The following SLC4A4 variants were observed in gnomAD, a reference collection of about 807,000 sequenced individuals.
SLC4A4 encodes solute carrier family 4 member 4.
A neutral mutation model predicts 111.5 loss-of-function variants in SLC4A4; 27 were observed. The ratio of observed to expected loss-of-function variants is 0.24; its 90% confidence interval spans 0.18 to 0.33. The LOEUF (loss-of-function observed/expected upper bound fraction) is 0.33. Among genes scored for constraint, SLC4A4 ranks in the 10% least tolerant of loss-of-function variants. The pLI is 1.00. For missense variants in SLC4A4, 909 were observed against 1,315.5 expected (o/e 0.69, Z 4.78); for synonymous variants, 443 against 463.4 (o/e 0.96, Z 0.57).
upstream of SLC4A4, among the ~76,000 whole-genome samples, chr4:71,183,747 T>C (rs1386328958): frequency 6.6e-6 from 1 of 152,186 alleles, no homozygotes; most frequent in Non-Finnish European, 1.5e-5. Context: ...CAAACAAATA[T>C]CAGCACAAAG....
chr4:71,064,843 C>T (rs376917686), intron 1 of SLC4A4, among the ~76,000 whole-genome samples: 126 of 152,264 alleles, frequency 8.3e-4, no homozygotes, highest in African/African-American at 2.7e-3. Flanking sequence ...TAATCGTAGA[C>T]GAGTTATTTA....
At chr4:71,372,872 A>G (rs548065503) in intron 6 of SLC4A4, among the ~76,000 whole-genome samples, 66 of 151,756 alleles carry the variant, frequency 4.3e-4, no homozygotes, top group Admixed American at 1.2e-3. Flanking sequence ...TAATGAAACC[A>G]CAGTGGTATA....
At chr4:71,552,418 G>T (rs77726616) in intron 20 of SLC4A4, among the ~76,000 whole-genome samples, 562 of 151,692 alleles carry the variant, frequency 3.7e-3, no homozygotes, top group East Asian at 0.019. Flanking sequence ...CTGCTAGAAG[G>T]TCTCACTGCT....
At chr4:71,097,034 G>GTTTC (rs1258733788) in intron 2 of SLC4A4, among the ~76,000 whole-genome samples, 1 of 152,036 alleles carries the variant, frequency 6.6e-6, no homozygotes, top group Non-Finnish European at 1.5e-5. Context: ...TTGTTTGTTT[G>GTTTC]TTTTAGGTTT....
chr4:71,463,924 C>G (rs898778387), intron 12 of SLC4A4, among the ~76,000 whole-genome samples: 3 of 152,094 alleles, frequency 2.0e-5, no homozygotes, highest in Non-Finnish European at 4.4e-5. Context: ...GCTCTTTTCC[C>G]CTTTATATTC....
intron 16 of SLC4A4, among the ~76,000 whole-genome samples, chr4:71,508,290 T>A (rs1731599975): frequency 6.6e-6 from 1 of 151,766 alleles, no homozygotes; most frequent in African/African-American, 2.4e-5. Flanking sequence ...GATCAACAAA[T>A]CCAGGAGCTG....
chr4:71,101,680 G>A (rs1391564151), intron 2 of SLC4A4, among the ~76,000 whole-genome samples: 1 of 152,120 alleles, frequency 6.6e-6, no homozygotes, highest in African/African-American at 2.4e-5. Flanking sequence ...TCACATGGCA[G>A]GGTATTCCAA....
At chr4:71,446,871 C>T (rs1393454653) in intron 8 of SLC4A4, among the ~76,000 whole-genome samples, 1 of 152,204 alleles carries the variant, frequency 6.6e-6, no homozygotes, top group Non-Finnish European at 1.5e-5. Context: ...GCCAACATGC[C>T]ACAGGGCAAA....
At chr4:71,392,516 G>A (rs1000609079) in intron 6 of SLC4A4, among the ~76,000 whole-genome samples, 7 of 152,020 alleles carry the variant, frequency 4.6e-5, no homozygotes, top group African/African-American at 1.7e-4. Context: ...GAATCCCCTG[G>A]AGGGCTTGTT....
intron 5 of SLC4A4, among the ~76,000 whole-genome samples, chr4:71,353,157 C>T (rs557051947): frequency 6.6e-6 from 1 of 152,298 alleles, no homozygotes; most frequent in African/African-American, 2.4e-5. Flanking sequence ...TGTGGTTTCT[C>T]TTCAATTTTT....
chr4:71,093,623 A>T (rs2363445), intron 2 of SLC4A4, among the ~76,000 whole-genome samples: 1 of 152,128 alleles, frequency 6.6e-6, no homozygotes, highest in East Asian at 1.9e-4. Context: ...AAACTCCCAG[A>T]GTTCTTCTTG....
At chr4:71,370,054 A>C (rs1000606549) in intron 6 of SLC4A4, among the ~76,000 whole-genome samples, 2 of 152,238 alleles carry the variant, frequency 1.3e-5, no homozygotes, top group Non-Finnish European at 2.9e-5. Flanking sequence ...ATATATCCAT[A>C]AAATAGAAAC....
At chr4:71,517,058 T>A (rs72853292) in intron 16 of SLC4A4, among the ~76,000 whole-genome samples, 17,762 of 152,142 alleles carry the variant, frequency 0.12, 1,251 homozygotes, top group African/African-American at 0.19. Context: ...GTCAATTTCA[T>A]TATATCTTGA....
chr4:71,418,168 C>G (rs954297326), intron 7 of SLC4A4, among the ~76,000 whole-genome samples: 3 of 152,104 alleles, frequency 2.0e-5, no homozygotes, highest in African/African-American at 4.8e-5. Flanking sequence ...TTTAGGAAAT[C>G]AGAACTAATG....
intron 3 of SLC4A4, chr4:71,300,922 G>C: frequency 1.9e-6 from 1 of 524,430 alleles, no homozygotes; most frequent in South Asian, 1.4e-5. Context: ...TCACACTGAA[G>C]ATAGATCACC....
At chr4:71,339,103 CTTTG>C in intron 3 of SLC4A4, 1 of 1,601,888 alleles carries the variant, frequency 6.2e-7, no homozygotes, top group South Asian at 1.1e-5. Context: ...GCTAAAGGTT[CTTTG>C]TGACACATCA....
chr4:71,347,364 G>A (rs927152669), intron 4 of SLC4A4, among the ~76,000 whole-genome samples: 46 of 152,128 alleles, frequency 3.0e-4, no homozygotes, highest in African/African-American at 1.1e-3. Context: ...AGACTGGGTA[G>A]CTTACAGACA....
At chr4:71,329,455 T>C (rs973281800) in intron 3 of SLC4A4, among the ~76,000 whole-genome samples, 17 of 152,182 alleles carry the variant, frequency 1.1e-4, no homozygotes, top group African/African-American at 3.9e-4. Context: ...TTCATGAACA[T>C]GGAATATCTT....
chr4:71,484,652 T>C (rs889612289), intron 14 of SLC4A4, among the ~76,000 whole-genome samples: 3 of 151,628 alleles, frequency 2.0e-5, no homozygotes, highest in African/African-American at 4.8e-5. Flanking sequence ...TTTTGTTTCA[T>C]ATAAATTTTA....
Sources: gnomAD v4.1 joint callset for allele counts (sites outside exome capture counted in the v4.1 genomes callset) on GRCh38, gnomAD v4.1.1 for gene constraint, MANE v1.5 for transcripts, NCBI Gene and HGNC (gene_info 2026-07-23, HGNC 2026-07-21) for gene names.